SLC30A7: variants seen among roughly 807,000 people sequenced by gnomAD.
SLC30A7 encodes the protein zinc transporter 7.
In SLC30A7, 35 loss-of-function variants were observed where a neutral mutation model predicts 46.0. That is an observed-to-expected ratio of 0.76 (90% CI 0.58 to 1.01). The LOEUF is 1.01. Ranked by LOEUF, SLC30A7 falls within the 50% of genes least tolerant of loss-of-function variation. SLC30A7 has a pLI of 0.00. For synonymous variants in SLC30A7, 147 were observed against 157.8 expected, an observed-to-expected ratio of 0.93 and a Z score of 0.51; for missense variants, 464 against 451.1, an observed-to-expected ratio of 1.03 and a Z score of -0.26.
At chr1:100,914,342 C>T (rs1652334565) in intron 6 of SLC30A7, among the ~76,000 whole-genome samples, 1 of 152,130 alleles carries the variant, frequency 6.6e-6, no homozygotes, top group South Asian at 2.1e-4. Context: ...CCTTTCCCTC[C>T]CCTCAAATGC....
chr1:100,948,985 T>C (rs575892765), intron 8 of SLC30A7, among the ~76,000 whole-genome samples: 1 of 152,336 alleles, frequency 6.6e-6, no homozygotes, highest in South Asian at 2.1e-4. Flanking sequence ...AACATGCTCC[T>C]TTAGCTTGGA....
At chr1:100,911,544 T>A (rs1304740228) in intron 4 of SLC30A7, among the ~76,000 whole-genome samples, 2 of 152,144 alleles carry the variant, frequency 1.3e-5, no homozygotes, top group African/African-American at 4.8e-5. Flanking sequence ...AGTATTTTTT[T>A]TAATTTTTTA....
chr1:100,931,966 G>A (rs1018294954), intron 8 of SLC30A7, among the ~76,000 whole-genome samples: 1 of 152,046 alleles, frequency 6.6e-6, no homozygotes, highest in African/African-American at 2.4e-5. Flanking sequence ...TACCATTTTT[G>A]TTGTTGCTAT....
Position 100,965,781 on chromosome 1 carries a change from C to G in SLC30A7, c.946C>G (p.Gln316Glu). 1 of 1,613,516 alleles carries G rather than the reference C, an allele frequency of 6.2e-7. No homozygotes were observed. Among genetic ancestry groups the G allele is most frequent in the Middle Eastern group, 1.7e-4 (1 of 6,060 alleles). ...PQCYQRVQQL[Q>E]GVYSLQEQHF... is the part of the protein sequence containing the mutation. ...CTTTATATTTCAGGTACAGCAGTTG[C>G]AAGGAGTTTACAGTTTACAGGAACA... The change falls in exon 10 of 11, where the codon CAA becomes GAA. Residue 316 changes from glutamine (Q) to glutamate (E), a missense_variant. Physicochemically the swap from Gln to Glu is conservative, Grantham distance 29. Transcript: ENST00000357650.
At chr1:100,937,163 C>T (rs572380109) in intron 8 of SLC30A7, among the ~76,000 whole-genome samples, 30 of 152,226 alleles carry the variant, frequency 2.0e-4, no homozygotes, top group African/African-American at 7.0e-4. Context: ...AAATAAAAAT[C>T]TGCTATTACT....
intron 10 of SLC30A7, chr1:100,972,362 CTTT>C (rs371101402): frequency 8.9e-6 from 2 of 224,118 alleles, no homozygotes; most frequent in East Asian, 1.5e-4. Flanking sequence ...ACTTTTTTTT[CTTT>C]TTTTTTTCTG....
chr1:100,985,951 T>C (rs1419897886), downstream of SLC30A7, among the ~76,000 whole-genome samples: 1 of 152,208 alleles, frequency 6.6e-6, no homozygotes, highest in Non-Finnish European at 1.5e-5. Context: ...CCAGAATATG[T>C]AATAAACACT....
In SLC30A7 at chr1:100,977,054, G is replaced by A. The variant is rs1656569313; in HGVS notation, c.*2197G>A. 2 of 152,152 alleles carry A rather than the reference G, an allele frequency of 1.3e-5. No homozygotes were observed. Among genetic ancestry groups the A allele is most frequent in the African/African-American group, 2.4e-5 (1 of 41,294 alleles). The allele number at this position is 152,152 out of a possible 1,614,324, so 9.4% of individuals were successfully genotyped here. ...CCACCACCAAGTCTGAGAGAACTCTGGGATATTCTGTGGGTTTTGGCATAT... is the reference window on the plus strand; with the variant it reads ...CCACCACCAAGTCTGAGAGAACTCTAGGATATTCTGTGGGTTTTGGCATAT... On this transcript the variant is annotated 3_prime_UTR_variant, in exon 11 of 11. Coordinates refer to ENST00000357650, the MANE Select transcript of SLC30A7 (RefSeq NM_133496.5).
Position 100,976,060 on chromosome 1 carries a change from G to A in SLC30A7, c.*1203G>A, listed in dbSNP as rs1003852226. ...CACATTTTAAATTACTTTGTGGACT[G>A]TGTTTTCAAAACTTTGCAAATTCAT... On this transcript the variant is annotated 3_prime_UTR_variant, in exon 11 of 11. Transcript: ENST00000357650. 6.6e-6 allele frequency: 1 copy of A among 152,436 alleles called. No homozygotes were observed. Among genetic ancestry groups the A allele is most frequent in the African/African-American group, 2.4e-5 (1 of 41,394 alleles). 9.4% of individuals were successfully genotyped at this position (152,436 alleles called of 1,614,324 possible).
intron 6 of SLC30A7, among the ~76,000 whole-genome samples, chr1:100,915,249 CTTTCTTCCTTT>C (rs1557981517): frequency 4.7e-4 from 46 of 97,906 alleles, no homozygotes; most frequent in African/African-American, 1.6e-3. Flanking sequence ...TTCTTTCTTT[CTTTCTTCCTTT>C]CTTTCTTTCT....
At chr1:100,943,584 C>T (rs1654470852) in intron 8 of SLC30A7, among the ~76,000 whole-genome samples, 1 of 151,694 alleles carries the variant, frequency 6.6e-6, no homozygotes, top group Non-Finnish European at 1.5e-5. Context: ...GATCTTTCTG[C>T]ATGACCAGCC....
chr1:100,898,207 A>G (rs1470070849), intron 2 of SLC30A7, among the ~76,000 whole-genome samples: 2 of 152,064 alleles, frequency 1.3e-5, no homozygotes, highest in East Asian at 1.9e-4. Flanking sequence ...GCAGTGTTTC[A>G]CTATGGCTTT....
chr1:100,986,928 C>G, the SLC30A7 span, among the ~76,000 whole-genome samples: 4 of 152,244 alleles, frequency 2.6e-5, no homozygotes, highest in East Asian at 5.8e-4. Flanking sequence ...ATGTATGCAG[C>G]CTTCAGGTAT....
At chr1:100,907,783 C>G (rs965906337) in intron 3 of SLC30A7, among the ~76,000 whole-genome samples, 6 of 151,572 alleles carry the variant, frequency 4.0e-5, no homozygotes, top group African/African-American at 1.2e-4. Context: ...TATTTTCTGT[C>G]TCTCACTCTT....
the SLC30A7 span, among the ~76,000 whole-genome samples, chr1:100,991,971 C>T: frequency 6.6e-5 from 10 of 151,188 alleles, no homozygotes; most frequent in South Asian, 2.1e-3. Context: ...ATTAGCTGGG[C>T]ATGGTGGCAT....
chr1:100,944,562 T>C (rs1654522616), intron 8 of SLC30A7, among the ~76,000 whole-genome samples: 1 of 152,170 alleles, frequency 6.6e-6, no homozygotes, highest in South Asian at 2.1e-4. Flanking sequence ...ATTTGCAGGT[T>C]TGTTAAATAG....
At chr1:100,987,581 T>C in the SLC30A7 span, among the ~76,000 whole-genome samples, 26 of 152,070 alleles carry the variant, frequency 1.7e-4, no homozygotes, top group African/African-American at 5.6e-4. Flanking sequence ...TCCATGAACA[T>C]AGTTCTAAAA....
At chr1:100,983,391 C>A (rs74834280), downstream of SLC30A7, among the ~76,000 whole-genome samples, 17,604 of 84,710 alleles carry the variant, frequency 0.21, 1,297 homozygotes, top group African/African-American at 0.27. Context: ...AAAAAAAAAA[C>A]AAAACAAAAC....
intron 2 of SLC30A7, among the ~76,000 whole-genome samples, chr1:100,900,199 A>G (rs377130814): frequency 2.0e-5 from 3 of 152,150 alleles, no homozygotes; most frequent in African/African-American, 7.2e-5. Context: ...ATGTTCTTAC[A>G]TTTTTACTTC....
Sources: gnomAD v4.1 joint callset for allele counts (sites outside exome capture counted in the v4.1 genomes callset) on GRCh38, gnomAD v4.1.1 for gene constraint, MANE v1.5 for transcripts, NCBI Gene and HGNC (gene_info 2026-07-23, HGNC 2026-07-21) for gene names.